Variants in CCDC170 observed in about 807,000 individuals in gnomAD.
CCDC170 encodes coiled-coil domain-containing protein 170.
A neutral mutation model predicts 72.6 loss-of-function variants in CCDC170; 69 were observed. That is an observed-to-expected ratio of 0.95 (90% CI 0.78 to 1.16). CCDC170 has a LOEUF of 1.16. Ranked by LOEUF, CCDC170 falls within the 50% of genes most tolerant of loss-of-function variation. CCDC170 has a pLI of 0.00. For synonymous variants in CCDC170, 300 were observed against 303.9 expected (o/e 0.99, Z 0.13); for missense variants, 852 against 832.5 (o/e 1.02, Z -0.29).
At chr6:151,557,205 G>T (rs760433965) in intron 5 of CCDC170, among the ~76,000 whole-genome samples, 3 of 151,940 alleles carry the variant, frequency 2.0e-5, no homozygotes, top group African/African-American at 7.3e-5. Context: ...TAAGGAGACC[G>T]AGACCATCCT....
chr6:151,589,119 G>A (rs1428167463), intron 7 of CCDC170, among the ~76,000 whole-genome samples: 1 of 152,060 alleles, frequency 6.6e-6, no homozygotes, highest in Non-Finnish European at 1.5e-5. Flanking sequence ...GCCAGGTGTG[G>A]TGGTGTGTGC....
chr6:151,559,676 A>G (rs1463364644), intron 5 of CCDC170, among the ~76,000 whole-genome samples: 1 of 152,096 alleles, frequency 6.6e-6, no homozygotes, highest in Non-Finnish European at 1.5e-5. Context: ...CTCTTTTCCA[A>G]TTTGGATGTC....
intron 9 of CCDC170, among the ~76,000 whole-genome samples, chr6:151,614,312 A>G (rs999767045): frequency 2.0e-5 from 3 of 152,138 alleles, no homozygotes; most frequent in Non-Finnish European, 4.4e-5. Flanking sequence ...TCTATCTTAC[A>G]TACAATTCCT....
chr6:151,508,887 C>T (rs1482188772), intron 1 of CCDC170, among the ~76,000 whole-genome samples: 3 of 151,096 alleles, frequency 2.0e-5, no homozygotes, highest in East Asian at 2.0e-4. Flanking sequence ...TGGTGGCGAA[C>T]GCCTGTAATC....
intron 5 of CCDC170, among the ~76,000 whole-genome samples, chr6:151,549,374 C>A (rs1280430297): frequency 6.6e-6 from 1 of 151,914 alleles, no homozygotes; most frequent in Non-Finnish European, 1.5e-5. Flanking sequence ...ATACAAAACA[C>A]TTAAAATTAA....
chr6:151,526,519 C>CTTTTT (rs577450833), intron 1 of CCDC170, among the ~76,000 whole-genome samples: 6 of 131,654 alleles, frequency 4.6e-5, no homozygotes, highest in Admixed American at 1.6e-4. Context: ...CCCGCCTGGC[C>CTTTTT]TTTTTTTTTT....
chr6:151,616,074 G>T (rs114529968), intron 10 of CCDC170, among the ~76,000 whole-genome samples: 5 of 152,044 alleles, frequency 3.3e-5, no homozygotes, highest in Non-Finnish European at 7.4e-5. Flanking sequence ...GAAGGGTTTT[G>T]GTGAAAAAAC....
intron 5 of CCDC170, among the ~76,000 whole-genome samples, chr6:151,555,697 C>T (rs927535697): frequency 6.6e-6 from 1 of 152,222 alleles, no homozygotes; most frequent in African/African-American, 2.4e-5. Flanking sequence ...TAATTCAACT[C>T]CTCATCCTGT....
intron 1 of CCDC170, among the ~76,000 whole-genome samples, chr6:151,532,999 T>A (rs1583012861): frequency 6.6e-6 from 1 of 152,206 alleles, no homozygotes; most frequent in Non-Finnish European, 1.5e-5. Flanking sequence ...ATGGCCTTTT[T>A]GCTATTTGAA....
At chr6:151,503,241 G>A (rs1782019856) in intron 1 of CCDC170, among the ~76,000 whole-genome samples, 1 of 151,828 alleles carries the variant, frequency 6.6e-6, no homozygotes, top group Non-Finnish European at 1.5e-5. Context: ...AGACAAACAA[G>A]GTAATTTTAG....
chr6:151,568,655 T>A (rs1776173752), intron 5 of CCDC170, among the ~76,000 whole-genome samples: 2 of 152,230 alleles, frequency 1.3e-5, no homozygotes, highest in Admixed American at 6.5e-5. Flanking sequence ...AAGGTACAAA[T>A]GGTACTATAC....
chr6:151,533,001 C>T (rs1390235878), intron 1 of CCDC170, among the ~76,000 whole-genome samples: 1 of 151,742 alleles, frequency 6.6e-6, no homozygotes, highest in Non-Finnish European at 1.5e-5. Context: ...GGCCTTTTTG[C>T]TATTTGAATG....
At position 151,618,471 on chromosome 6, in the gene CCDC170, A is replaced by G. The variant is rs1335002525; in HGVS notation, c.*324A>G. 3 of 290,800 alleles carry G rather than the reference A, an allele frequency of 1.0e-5. No homozygotes were observed. Among genetic ancestry groups the G allele is most frequent in the Non-Finnish European group, 1.3e-5 (2 of 153,744 alleles). 18.0% of individuals were successfully genotyped at this position (290,800 alleles called of 1,614,324 possible). On this transcript the variant is annotated 3_prime_UTR_variant, in exon 11 of 11. Transcript: ENST00000239374. ...AGTCAGGGGCTTTACTAGCCGATTTAGTTCTCACAATAACCATGTGGAGAA... is the reference window on the plus strand; with the variant it reads ...AGTCAGGGGCTTTACTAGCCGATTTGGTTCTCACAATAACCATGTGGAGAA...
intron 5 of CCDC170, among the ~76,000 whole-genome samples, chr6:151,558,538 T>A (rs1783025569): frequency 1.3e-5 from 2 of 152,206 alleles, no homozygotes; most frequent in Non-Finnish European, 2.9e-5. Flanking sequence ...TAGGTTTAAG[T>A]CATTAATCCA....
intron 6 of CCDC170, among the ~76,000 whole-genome samples, chr6:151,582,313 T>A (rs986316972): frequency 6.6e-6 from 1 of 152,232 alleles, no homozygotes; most frequent in African/African-American, 2.4e-5. Context: ...TCTTGTACTT[T>A]TATGTTATGG....
intron 1 of CCDC170, among the ~76,000 whole-genome samples, chr6:151,503,378 T>C (rs1448719590): frequency 6.6e-6 from 1 of 152,064 alleles, no homozygotes; most frequent in Non-Finnish European, 1.5e-5. Context: ...CATGCTGAAT[T>C]GGAATAGTCT....
chr6:151,563,305 G>C (rs1357907146), intron 5 of CCDC170, among the ~76,000 whole-genome samples: 1 of 152,170 alleles, frequency 6.6e-6, no homozygotes, highest in African/African-American at 2.4e-5. Flanking sequence ...TGCATAAGTG[G>C]GGTGGAGATG....
rs1158946712 is a variant in CCDC170, at chr6:151,562,074, A to G, written c.775-11100A>G. ...GATTTTTTTCAATTTGAGCAATTCT[A>G]TTTGTCTTTTTTCTTAATATGGGCA... On this transcript the variant is annotated intron_variant, in intron 5 of 10. Coordinates refer to ENST00000239374, the MANE Select transcript of CCDC170 (RefSeq NM_025059.4). 3.3e-5 allele frequency among the ~76,000 whole-genome samples: 5 copies of G among 151,770 alleles called. No individual in the cohort carries two copies. In the East Asian group the frequency reaches 7.8e-4, roughly 24 times the overall value.
chr6:151,514,310 G>A (rs1782196700), intron 1 of CCDC170, among the ~76,000 whole-genome samples: 1 of 124,882 alleles, frequency 8.0e-6, no homozygotes, highest in Admixed American at 1.0e-4. Context: ...AGAAAGAAAC[G>A]AAAGAAAATG....
Sources: allele counts gnomAD v4.1 joint callset (sites outside exome capture counted in the v4.1 genomes callset), GRCh38; gene constraint gnomAD v4.1.1; transcripts MANE v1.5; gene names NCBI Gene and HGNC (gene_info 2026-07-23, HGNC 2026-07-21).